Variants in ZNF223 observed in about 807,000 individuals in gnomAD.
ZNF223 encodes zinc finger protein 223.
Under a neutral mutation model 12.3 loss-of-function variants are expected in ZNF223, and 9 were observed. That is an observed-to-expected ratio of 0.73 (90% CI 0.44 to 1.28). ZNF223 has a LOEUF of 1.28. ZNF223 is among the 50% of genes most tolerant of loss of function. The pLI is 0.00. For missense variants in ZNF223, 506 were observed against 579.0 expected (o/e 0.87, Z 1.29); for synonymous variants, 171 against 195.2 (o/e 0.88, Z 1.03).
In ZNF223 at chr19:44,055,147, C is replaced by A. The variant is rs1486110705; in HGVS notation, c.-30C>A. On this transcript the variant is annotated 5_prime_UTR_variant, in exon 2 of 5. Transcript: ENST00000434772. ...TTCCCTGGAACTGTGTCATTCAGGA[C>A]TCTGCAAATTCCCTAAAGTAGGAGG... 6.2e-7 allele frequency: 1 copy of A among 1,612,654 alleles called. No homozygotes were observed. The highest frequency in any genetic ancestry group is 1.7e-5 in the Admixed American group (1 of 60,022).
At position 44,055,303 on chromosome 19, in the gene ZNF223, C is replaced by T. The variant is rs1307533725; in HGVS notation, c.15+112C>T. On this transcript the variant is annotated intron_variant, in intron 2 of 4. Transcript: ENST00000434772. Reference sequence around the variant, plus strand: ...AGGAGAACAGCAGGACTTTGAGGATCTCTTGTCACCTGGCTAATTTTTGTA... The same window carrying T: ...AGGAGAACAGCAGGACTTTGAGGATTTCTTGTCACCTGGCTAATTTTTGTA... The T allele has an allele frequency of 4.2e-6, 5 of 1,184,964 alleles. No homozygotes were observed. In the African/African-American group the frequency reaches 7.6e-5, roughly 18 times the overall value. The allele number at this position is 1,184,964 out of a possible 1,614,324, so 73.4% of individuals were successfully genotyped here. A position where few individuals can be genotyped will look rare whatever the true frequency, so the allele number is the denominator to read the frequency against.
intron 2 of ZNF223, among the ~76,000 whole-genome samples, chr19:44,058,568 C>T (rs1480309878): frequency 6.6e-6 from 1 of 152,170 alleles, no homozygotes; most frequent in Non-Finnish European, 1.5e-5. Context: ...AGTGGACCTG[C>T]TTCTGGGTTG....
In ZNF223 at chr19:44,053,993, C is replaced by G. The variant is rs139454422; in HGVS notation, c.-68-1116C>G. On this transcript the variant is annotated intron_variant, in intron 1 of 4. Coordinates refer to ENST00000434772, the MANE Select transcript of ZNF223 (RefSeq NM_013361.6). ...CTAGGGTTACAGATTAACAGCATCTCAAGGCAGAAGAATTTTTCTTAGTAC... is the reference window on the plus strand; with the variant it reads ...CTAGGGTTACAGATTAACAGCATCTGAAGGCAGAAGAATTTTTCTTAGTAC... Among the ~76,000 whole-genome samples, 587 of 152,298 alleles carry G rather than the reference C, an allele frequency of 3.9e-3. 4 individuals carry two copies. The highest frequency in any genetic ancestry group is 0.013 in the African/African-American group (559 of 41,560).
intron 2 of ZNF223, 146 bp from the exon 3 acceptor site, chr19:44,060,309 T>A: frequency 1.5e-6 from 2 of 1,339,054 alleles, no homozygotes; most frequent in Non-Finnish European, 1.0e-6. Context: ...GGACACAGAC[T>A]AGAATGAATG....
intron 2 of ZNF223, among the ~76,000 whole-genome samples, chr19:44,056,076 T>C (rs1376552270): frequency 1.3e-5 from 2 of 152,060 alleles, no homozygotes; most frequent in African/African-American, 4.8e-5. Context: ...TGGCGCTGCT[T>C]CTCCCTGTCC....
intron 1 of ZNF223, among the ~76,000 whole-genome samples, chr19:44,052,437 C>CT (rs1976713345): frequency 6.6e-6 from 1 of 152,052 alleles, no homozygotes; most frequent in Admixed American, 6.5e-5. Flanking sequence ...TAAAATGGTG[C>CT]TTATAGGGTC....
chr19:44,060,718 G>C, intron 3 of ZNF223, 31 bp from the exon 4 acceptor site: 2 of 1,613,584 alleles, frequency 1.2e-6, no homozygotes, highest in Middle Eastern at 3.3e-4. Flanking sequence ...GAATATGTTG[G>C]GATTAAGCAT....
At chr19:44,064,794 AG>A (rs942450910) in intron 4 of ZNF223, among the ~76,000 whole-genome samples, 35 of 152,194 alleles carry the variant, frequency 2.3e-4, no homozygotes, top group African/African-American at 8.2e-4. Flanking sequence ...AGTCCAGTGA[AG>A]TACCAAATGT....
intron 2 of ZNF223, among the ~76,000 whole-genome samples, chr19:44,056,531 C>CAA (rs370032044): frequency 0.013 from 953 of 75,964 alleles, 28 homozygotes; most frequent in African/African-American, 0.044. Context: ...GACTCTGTCT[C>CAA]AAAAAAAAAA....
rs556844299 is a variant in ZNF223, at chr19:44,057,070, C to A, written c.15+1879C>A. 2.5e-4 allele frequency among the ~76,000 whole-genome samples: 38 copies of A among 152,116 alleles called. No individual in the cohort carries two copies. The South Asian group carries it at 7.9e-3, about 32-fold the overall frequency. On this transcript the variant is annotated intron_variant, in intron 2 of 4. Coordinates refer to ENST00000434772, the MANE Select transcript of ZNF223 (RefSeq NM_013361.6). The stretch of plus-strand genomic sequence containing the variant: ...CAATTGTAAAAGAAGAAATAGAGAT[C>A]GCCAATAATCTTGAAAAGTGGTGAT...
intron 4 of ZNF223, among the ~76,000 whole-genome samples, chr19:44,063,977 C>T (rs1250577209): frequency 6.6e-6 from 1 of 152,152 alleles, no homozygotes; most frequent in East Asian, 1.9e-4. Flanking sequence ...CTTAACTCTC[C>T]ATCAGAAAAA....
chr19:44,053,056 A>G (rs182674819), intron 1 of ZNF223, among the ~76,000 whole-genome samples: 1 of 152,262 alleles, frequency 6.6e-6, no homozygotes, highest in African/African-American at 2.4e-5. Context: ...AGTCCAGTTT[A>G]TGCGTTGTCT....
Position 44,067,155 on chromosome 19 carries a change from C to T in ZNF223, c.1327C>T (p.Arg443Cys), listed in dbSNP as rs368068033. The change falls in exon 5 of 5, where the codon CGT (arginine) becomes TGT (cysteine). Residue 443 changes from arginine to cysteine, a missense_variant. Arg to Cys is a radical substitution (Grantham distance 180). Coordinates refer to ENST00000434772, the MANE Select transcript of ZNF223 (RefSeq NM_013361.6). ...AAAGAAGCTTGTATACCGGTCATAC[C>T]GTAAAGACCAACAAAAAAACCACAG... Reference protein sequence around the residue: ...CGKKLVYRSYRKDQQKNHSGE... With the variant: ...CGKKLVYRSYCKDQQKNHSGE... 50 of 1,612,950 alleles carry T rather than the reference C, an allele frequency of 3.1e-5. No individual in the cohort carries two copies. Among genetic ancestry groups the T allele is most frequent in the African/African-American group, 6.7e-5 (5 of 74,748 alleles).
chr19:44,065,987 A>C, intron 4 of ZNF223, 77 bp from the exon 5 acceptor site: 1 of 1,509,938 alleles, frequency 6.6e-7, no homozygotes, highest in Non-Finnish European at 8.8e-7. Context: ...GTTTCATACC[A>C]TGTCCTAAGT....
chr19:44,063,061 C>G (rs1376978666), intron 4 of ZNF223, among the ~76,000 whole-genome samples: 5 of 152,082 alleles, frequency 3.3e-5, no homozygotes, highest in Non-Finnish European at 5.9e-5. Context: ...AGCTTTATGA[C>G]CTGGAAGGAA....
chr19:44,057,433 G>A, intron 2 of ZNF223, among the ~76,000 whole-genome samples: 1 of 152,094 alleles, frequency 6.6e-6, no homozygotes, highest in South Asian at 2.1e-4. Flanking sequence ...TTATTATTTA[G>A]TGTAGCTAAA....
chr19:44,052,613 A>G (rs576291883), intron 1 of ZNF223, among the ~76,000 whole-genome samples: 1 of 152,294 alleles, frequency 6.6e-6, no homozygotes, highest in South Asian at 2.1e-4. Flanking sequence ...AAATTCTCAT[A>G]TACCCTTTAC....
At position 44,066,919 on chromosome 19, in the gene ZNF223, G is replaced by A. The variant is rs572530986; in HGVS notation, c.1091G>A (p.Arg364Gln). 4.2e-5 allele frequency: 67 copies of A among 1,614,046 alleles called. No homozygotes were observed. The highest frequency in any genetic ancestry group is 4.7e-5 in the Non-Finnish European group (55 of 1,180,030). ...TCCTCCTATCTTTTGATCCATCAGC[G>A]AGTCCACACTGGAGAAAAGCCATAC... Reference protein sequence around the residue: ...RRSSYLLIHQRVHTGEKPYKC... With the variant: ...RRSSYLLIHQQVHTGEKPYKC... The change falls in exon 5 of 5, where the codon CGA becomes CAA. Residue 364 changes from arginine (R) to glutamine (Q), a missense_variant. Coordinates refer to ENST00000434772, the MANE Select transcript of ZNF223 (RefSeq NM_013361.6).
At chr19:44,062,270 T>C (rs887878371) in intron 4 of ZNF223, among the ~76,000 whole-genome samples, 1 of 152,224 alleles carries the variant, frequency 6.6e-6, no homozygotes, top group African/African-American at 2.4e-5. Flanking sequence ...TCCTGATATA[T>C]GTGAAGTCTT....
Sources: gnomAD v4.1 joint callset for allele counts (sites outside exome capture counted in the v4.1 genomes callset) on GRCh38, gnomAD v4.1.1 for gene constraint, MANE v1.5 for transcripts, NCBI Gene and HGNC (gene_info 2026-07-23, HGNC 2026-07-21) for gene names.